Variants in TENT4B observed in about 807,000 individuals in gnomAD.
TENT4B encodes PAP associated domain containing 5.
In TENT4B, 10 loss-of-function variants were observed where a neutral mutation model predicts 75.0. The observed-to-expected ratio is 0.13, with a 90% CI of 0.08 to 0.23. The LOEUF (loss-of-function observed/expected upper bound fraction) is 0.23. Ranked by LOEUF, TENT4B falls within the 10% of genes least tolerant of loss-of-function variation. The pLI is 1.00. For synonymous variants in TENT4B, 350 were observed against 357.7 expected, an observed-to-expected ratio of 0.98 and a Z score of 0.24; for missense variants, 579 against 893.8, an observed-to-expected ratio of 0.65 and a Z score of 4.49.
chr16:50,185,239 G>A (rs899635098), intron 1 of TENT4B, among the ~76,000 whole-genome samples: 1 of 152,176 alleles, frequency 6.6e-6, no homozygotes, highest in African/African-American at 2.4e-5. Context: ...TGTATTACTA[G>A]CCTAGTAGGA....
In TENT4B at chr16:50,153,815, G is replaced by A; in HGVS notation, c.194G>A (p.Ser65Asn). The A allele has an allele frequency of 8.1e-7, 1 of 1,227,218 alleles. No individual in the cohort carries two copies. The highest frequency in any genetic ancestry group is 1.0e-6 in the Non-Finnish European group (1 of 987,632). 76.0% of individuals were successfully genotyped at this position (1,227,218 alleles called of 1,614,324 possible). A position where few individuals can be genotyped will look rare whatever the true frequency, so the allele number is the denominator to read the frequency against. ...ACGGCCACCGGCGGGAGCGGCAGCA[G>A]CACCGGCAGCCCCGGCGGCGCGGCC... is the stretch of plus-strand genomic sequence containing the variant. Reference protein sequence around the residue: ...SSTATGGSGSSTGSPGGAASA... With the variant: ...SSTATGGSGSNTGSPGGAASA... The change falls in exon 1 of 12, where the codon AGC becomes AAC. Residue 65 changes from serine (S) to asparagine (N), a missense_variant. Ser to Asn is a conservative substitution (Grantham distance 46). Coordinates refer to ENST00000561678, the MANE Select transcript of TENT4B (RefSeq NM_001365324.3).
At position 50,231,497 on chromosome 16, in the gene TENT4B, G is replaced by A. The variant is rs1288994519; in HGVS notation, c.*2169G>A. ...TTGTTTTTAAAGAATCACCCTCATT[G>A]TTGAAAGTAAATGTACTCTTAGGGT... is the stretch of plus-strand genomic sequence containing the variant. On this transcript the variant is annotated 3_prime_UTR_variant, in exon 12 of 12. Coordinates refer to ENST00000561678, the MANE Select transcript of TENT4B (RefSeq NM_001365324.3). 5 of 985,618 alleles carry A rather than the reference G, an allele frequency of 5.1e-6. No homozygotes were observed. The highest frequency in any genetic ancestry group is 6.0e-6 in the Non-Finnish European group (5 of 829,880). 61.1% of individuals were successfully genotyped at this position (985,618 alleles called of 1,614,324 possible).
intron 1 of TENT4B, among the ~76,000 whole-genome samples, chr16:50,161,964 T>C (rs1228776421): frequency 2.6e-5 from 4 of 152,176 alleles, no homozygotes; most frequent in Non-Finnish European, 5.9e-5. Context: ...GCTACCACTT[T>C]ATAGCCGCAC....
chr16:50,196,613 A>C (rs550217706), intron 1 of TENT4B, among the ~76,000 whole-genome samples: 6 of 152,206 alleles, frequency 3.9e-5, no homozygotes, highest in African/African-American at 1.2e-4. Flanking sequence ...ATGGAGTGAA[A>C]TCTTAAATAT....
intron 3 of TENT4B, among the ~76,000 whole-genome samples, chr16:50,215,754 T>C (rs770449609): frequency 5.9e-5 from 9 of 152,350 alleles, no homozygotes; most frequent in Non-Finnish European, 1.2e-4. Context: ...GGAAAATCAT[T>C]ATGTCTAGTA....
rs1450261404 is a variant in TENT4B, at chr16:50,153,593, G to A, written c.-29G>A. On this transcript the variant is annotated 5_prime_UTR_variant, in exon 1 of 12. Transcript: ENST00000561678. The stretch of plus-strand genomic sequence containing the variant: ...GCGGCGGCCCTGCGGGCGGCCGGGA[G>A]GGGCGGGGGCAGCGGCCGCCGCCGT... 3 of 978,284 alleles carry A rather than the reference G, an allele frequency of 3.1e-6. No individual in the cohort carries two copies. Among genetic ancestry groups the A allele is most frequent in the African/African-American group, 1.8e-5 (1 of 56,248 alleles). The allele number at this position is 978,284 out of a possible 1,614,324, so 60.6% of individuals were successfully genotyped here. A position where few individuals can be genotyped will look rare whatever the true frequency, so the allele number is the denominator to read the frequency against.
intron 1 of TENT4B, among the ~76,000 whole-genome samples, chr16:50,196,501 A>ATCG (rs1488905856): frequency 6.8e-6 from 1 of 146,050 alleles, no homozygotes; most frequent in Non-Finnish European, 1.5e-5. Context: ...CATCATCATC[A>ATCG]TCATCATCAT....
chr16:50,232,056 A>T lies in TENT4B; in HGVS notation c.*2728A>T, dbSNP rs75868175. 6 of 985,376 alleles carry T rather than the reference A, an allele frequency of 6.1e-6. No individual in the cohort carries two copies. Among genetic ancestry groups the T allele is most frequent in the South Asian group, 4.7e-5 (1 of 21,282 alleles). The allele number at this position is 985,376 out of a possible 1,614,324, so 61.0% of individuals were successfully genotyped here. A position where few individuals can be genotyped will look rare whatever the true frequency, so the allele number is the denominator to read the frequency against. Reference sequence around the variant, plus strand: ...GGTGACATTTCTCAGGCAGTCATGTATGTGTACCTGGCCATTAGAAATATT... The same window carrying T: ...GGTGACATTTCTCAGGCAGTCATGTTTGTGTACCTGGCCATTAGAAATATT... On this transcript the variant is annotated 3_prime_UTR_variant, in exon 12 of 12. Coordinates refer to ENST00000561678, the MANE Select transcript of TENT4B (RefSeq NM_001365324.3).
At chr16:50,169,396 T>C (rs1157386843) in intron 1 of TENT4B, among the ~76,000 whole-genome samples, 1 of 141,646 alleles carries the variant, frequency 7.1e-6, no homozygotes, top group Non-Finnish European at 1.5e-5. Flanking sequence ...GGTTTTTTTT[T>C]TTTTTTTTTT....
In TENT4B at chr16:50,232,392, T is replaced by C. The variant is rs2032324228; in HGVS notation, c.*3064T>C. On this transcript the variant is annotated 3_prime_UTR_variant, in exon 12 of 12. Transcript: ENST00000561678. ...ACCTTTACTTGCATTTTGAGCCTCA[T>C]TAATATTTAGGTTATTTGATTTGGC... The C allele has an allele frequency of 1.0e-6, 1 of 985,336 alleles. No individual in the cohort carries two copies. Among genetic ancestry groups the C allele is most frequent in the Non-Finnish European group, 1.2e-6 (1 of 829,812 alleles). 61.0% of individuals were successfully genotyped at this position (985,336 alleles called of 1,614,324 possible). A position where few individuals can be genotyped will look rare whatever the true frequency, so the allele number is the denominator to read the frequency against.
chr16:50,183,698 C>A (rs7192973), intron 1 of TENT4B, among the ~76,000 whole-genome samples: 113,849 of 152,010 alleles, frequency 0.75, 43,209 homozygotes, highest in Non-Finnish European at 0.8. Flanking sequence ...GAGATTTAGC[C>A]GTTTCAGAAA....
chr16:50,175,103 C>G (rs762097244), intron 1 of TENT4B, among the ~76,000 whole-genome samples: 2 of 151,828 alleles, frequency 1.3e-5, no homozygotes, highest in African/African-American at 2.4e-5. Flanking sequence ...ATGAGATCAA[C>G]TTTTTTTTAG....
intron 1 of TENT4B, among the ~76,000 whole-genome samples, chr16:50,195,296 G>A (rs1052477941): frequency 7.9e-5 from 12 of 152,192 alleles, no homozygotes; most frequent in Non-Finnish European, 2.9e-5. Flanking sequence ...CCAAAGCACA[G>A]CTAAGGAAAT....
chr16:50,182,494 G>C (rs531580593), intron 1 of TENT4B, among the ~76,000 whole-genome samples: 96 of 152,212 alleles, frequency 6.3e-4, no homozygotes, highest in African/African-American at 2.0e-3. Context: ...TTGTGTCATT[G>C]TAAAAGATCC....
chr16:50,174,256 C>T (rs1241425415), intron 1 of TENT4B, among the ~76,000 whole-genome samples: 2 of 151,928 alleles, frequency 1.3e-5, no homozygotes, highest in Admixed American at 6.6e-5. Flanking sequence ...TGCCACTGCA[C>T]CTGGCTAATT....
chr16:50,204,916 T>A (rs988628539), intron 1 of TENT4B, among the ~76,000 whole-genome samples: 2 of 152,092 alleles, frequency 1.3e-5, no homozygotes, highest in African/African-American at 4.8e-5. Flanking sequence ...GGTTTGGAGG[T>A]CTTCTGTGTC....
chr16:50,204,742 A>G (rs1177102944), intron 1 of TENT4B, among the ~76,000 whole-genome samples: 1 of 152,200 alleles, frequency 6.6e-6, no homozygotes, highest in Non-Finnish European at 1.5e-5. Context: ...TCCTGCTAGC[A>G]GTTTTTGTGT....
intron 1 of TENT4B, among the ~76,000 whole-genome samples, chr16:50,209,968 A>G (rs2031192092): frequency 6.6e-6 from 1 of 152,100 alleles, no homozygotes; most frequent in Non-Finnish European, 1.5e-5. Flanking sequence ...TGGACCCTGA[A>G]GTTGCCATGC....
chr16:50,153,244 G>T (rs2037803123), upstream of TENT4B, among the ~76,000 whole-genome samples: 1 of 145,616 alleles, frequency 6.9e-6, no homozygotes, highest in African/African-American at 2.5e-5. Context: ...GGGGCCGGAG[G>T]AGCGAGGACG....
Sources: gnomAD v4.1 joint callset for allele counts (sites outside exome capture counted in the v4.1 genomes callset) on GRCh38, gnomAD v4.1.1 for gene constraint, MANE v1.5 for transcripts, NCBI Gene and HGNC (gene_info 2026-07-23, HGNC 2026-07-21) for gene names.